KAZN: variants seen among roughly 807,000 people sequenced by gnomAD.
KAZN encodes kazrin.
A neutral mutation model predicts 87.4 loss-of-function variants in KAZN; 40 were observed. That is an observed-to-expected ratio of 0.46 (90% CI 0.36 to 0.60). KAZN has a LOEUF of 0.60. Among genes scored for constraint, KAZN ranks in the 20% least tolerant of loss-of-function variants. The pLI, the probability that KAZN is intolerant of heterozygous loss-of-function variation, is 0.00. For synonymous variants in KAZN, 466 were observed against 458.3 expected, an observed-to-expected ratio of 1.02 and a Z score of -0.22; for missense variants, 898 against 1,073.9, an observed-to-expected ratio of 0.84 and a Z score of 2.29.
At chr1:14,638,980 T>G (rs1011303789) in intron 1 of KAZN, among the ~76,000 whole-genome samples, 2 of 152,212 alleles carry the variant, frequency 1.3e-5, no homozygotes, top group African/African-American at 4.8e-5. Context: ...CCTCCAACCC[T>G]TCCTCAGTTT....
rs66777443 is a variant in KAZN, at chr1:14,940,898, C to CTTT, written c.227-19757_227-19755dup. On this transcript the variant is annotated intron_variant, in intron 1 of 14. Coordinates refer to ENST00000376030, the MANE Select transcript of KAZN (RefSeq NM_201628.3). ...ACCAGACAGATGTCATTCTACCTTT[C>CTTT]TTTTTTTTTTTTTTTTTTTTTTTTT... 1.7e-3 allele frequency among the ~76,000 whole-genome samples: 90 copies of CTTT among 54,422 alleles called. 6 individuals are homozygous for CTTT. The highest frequency in any genetic ancestry group is 2.7e-3 in the African/African-American group (32 of 12,028). The allele number at this position is 54,422 out of a possible 152,430, so 35.7% of individuals were successfully genotyped here. A position where few individuals can be genotyped will look rare whatever the true frequency, so the allele number is the denominator to read the frequency against.
chr1:14,255,480 C>T lies in KAZN; in HGVS notation c.249+74888C>T, dbSNP rs538942524. 4.6e-5 allele frequency among the ~76,000 whole-genome samples: 7 copies of T among 152,252 alleles called. No individual in the cohort carries two copies. The South Asian group carries it at 1.4e-3, about 32-fold the overall frequency. On this transcript the variant is annotated intron_variant, in intron 2 of 16. Coordinates refer to the KAZN transcript ENST00000636203. Reference sequence around the variant, plus strand: ...CCAGCAAGACGGAGGCTCACAGAAACGGAGTTTCATAAAGGAATGGCATCT... The same window carrying T: ...CCAGCAAGACGGAGGCTCACAGAAATGGAGTTTCATAAAGGAATGGCATCT...
intron 2 of KAZN, among the ~76,000 whole-genome samples, chr1:14,489,169 A>C (rs1048733829): frequency 1.3e-4 from 20 of 152,188 alleles, no homozygotes; most frequent in African/African-American, 4.8e-4. Flanking sequence ...TACACGTTGT[A>C]GAAAAATTGG....
At chr1:14,912,144 CAAAAAAA>C (rs34227761) in intron 1 of KAZN, among the ~76,000 whole-genome samples, 1 of 81,730 alleles carries the variant, frequency 1.2e-5, no homozygotes. Context: ...GACTCCACCT[CAAAAAAA>C]AAAAAAAAAA....
chr1:15,001,705 C>T (rs1420072424), intron 2 of KAZN, among the ~76,000 whole-genome samples: 2 of 151,968 alleles, frequency 1.3e-5, no homozygotes, highest in African/African-American at 2.4e-5. Context: ...TGCTGGAGTG[C>T]TCCTCGCCTG....
At chr1:14,470,980 G>T (rs1393239727) in intron 2 of KAZN, among the ~76,000 whole-genome samples, 1 of 152,170 alleles carries the variant, frequency 6.6e-6, no homozygotes, top group African/African-American at 2.4e-5. Context: ...CCATGGTGAG[G>T]TATTGAGATT....
chr1:14,486,957 G>A (rs1392818322), intron 2 of KAZN, among the ~76,000 whole-genome samples: 1 of 152,176 alleles, frequency 6.6e-6, no homozygotes, highest in African/African-American at 2.4e-5. Flanking sequence ...TTTGCTTGTG[G>A]CCAAGTTAAA....
At chr1:14,263,782 C>T (rs1174782610) in intron 2 of KAZN, among the ~76,000 whole-genome samples, 1 of 152,192 alleles carries the variant, frequency 6.6e-6, no homozygotes, top group African/African-American at 2.4e-5. Flanking sequence ...TTTAAGGACA[C>T]GCAGTGAACA....
At chr1:14,198,066 TACA>T (rs895096868) in intron 2 of KAZN, among the ~76,000 whole-genome samples, 4 of 152,102 alleles carry the variant, frequency 2.6e-5, no homozygotes, top group African/African-American at 9.7e-5. Context: ...AGTAAAAACT[TACA>T]CATTGAAATA....
chr1:14,152,387 G>A (rs1244346029), intron 1 of KAZN, among the ~76,000 whole-genome samples: 2 of 152,146 alleles, frequency 1.3e-5, no homozygotes, highest in Admixed American at 1.3e-4. Flanking sequence ...ACCTCCATGA[G>A]TTCAACTCTT....
At chr1:14,653,692 C>T (rs1638601168) in intron 1 of KAZN, among the ~76,000 whole-genome samples, 1 of 152,186 alleles carries the variant, frequency 6.6e-6, no homozygotes, top group Admixed American at 6.5e-5. Context: ...TGAGTCAAGG[C>T]TTGTAATACC....
At chr1:14,863,486 C>T (rs1342402704) in intron 1 of KAZN, among the ~76,000 whole-genome samples, 2 of 152,136 alleles carry the variant, frequency 1.3e-5, no homozygotes, top group South Asian at 2.1e-4. Context: ...TGGGGTCCCT[C>T]CTCATTTTCC....
intron 1 of KAZN, among the ~76,000 whole-genome samples, chr1:14,664,847 A>G (rs997474412): frequency 6.6e-5 from 10 of 151,740 alleles, no homozygotes; most frequent in African/African-American, 2.4e-4. Context: ...AGTAGAGATG[A>G]GGTTTCACCA....
At chr1:14,671,619 C>G (rs1397110508) in intron 1 of KAZN, among the ~76,000 whole-genome samples, 4 of 152,180 alleles carry the variant, frequency 2.6e-5, no homozygotes, top group African/African-American at 9.7e-5. Context: ...AGAATTTCCC[C>G]CCGTGGGCAA....
In KAZN at chr1:13,995,395, A is replaced by G. The variant is rs890094860; in HGVS notation, c.91+101639A>G. On this transcript the variant is annotated intron_variant, in intron 1 of 16. Transcript: ENST00000636203. ...AAGATGCAAAAATAAACTGTTTTAT[A>G]TGCTAGCAGCAATAAACAGAAAGTG... is the stretch of plus-strand genomic sequence containing the variant. Among the ~76,000 whole-genome samples, 7 of 152,222 alleles carry G rather than the reference A, an allele frequency of 4.6e-5. 1 individual carries two copies. Among genetic ancestry groups the G allele is most frequent in the African/African-American group, 1.4e-4 (6 of 41,464 alleles).
chr1:13,988,384 A>G (rs775009533), intron 1 of KAZN, among the ~76,000 whole-genome samples: 6 of 152,174 alleles, frequency 3.9e-5, no homozygotes, highest in Non-Finnish European at 7.3e-5. Flanking sequence ...AAAATTTTAT[A>G]TCTTGTCCAA....
chr1:15,076,596 A>G (rs1639768934), intron 8 of KAZN, among the ~76,000 whole-genome samples: 1 of 152,234 alleles, frequency 6.6e-6, no homozygotes, highest in Non-Finnish European at 1.5e-5. Context: ...TCTCTGCTTC[A>G]GAGCAGGAAC....
intron 1 of KAZN, among the ~76,000 whole-genome samples, chr1:14,942,702 G>A (rs1304092101): frequency 6.6e-6 from 1 of 152,204 alleles, no homozygotes; most frequent in African/African-American, 2.4e-5. Flanking sequence ...TTGCCCCTGG[G>A]CTTGTGCCTT....
chr1:15,060,081 G>A (rs531064336), intron 5 of KAZN, 91 bp from the exon 6 acceptor site: 1 of 1,525,520 alleles, frequency 6.6e-7, no homozygotes, highest in African/African-American at 1.4e-5. Flanking sequence ...CCCATCTGTA[G>A]AACGGGGGTG....
Sources: allele counts gnomAD v4.1 joint callset (sites outside exome capture counted in the v4.1 genomes callset), GRCh38; gene constraint gnomAD v4.1.1; transcripts MANE v1.5; gene names NCBI Gene and HGNC (gene_info 2026-07-23, HGNC 2026-07-21).